SUGCT: variants seen among roughly 807,000 people sequenced by gnomAD.
The protein encoded by SUGCT is succinyl-CoA:glutarate-CoA transferase.
In SUGCT, 41 loss-of-function variants were observed where a neutral mutation model predicts 55.0. The ratio of observed to expected loss-of-function variants is 0.74; its 90% CI spans 0.58 to 0.97. SUGCT has a LOEUF of 0.97. Among genes scored for constraint, SUGCT ranks in the 50% least tolerant of loss-of-function variants. SUGCT has a pLI of 0.00. For missense variants in SUGCT, 568 were observed against 547.8 expected, an observed-to-expected ratio of 1.04 and a Z score of -0.37; for synonymous variants, 187 against 200.4, an observed-to-expected ratio of 0.93 and a Z score of 0.56.
chr7:40,502,276 G>T (rs562503296), intron 12 of SUGCT, among the ~76,000 whole-genome samples: 2 of 151,938 alleles, frequency 1.3e-5, no homozygotes, highest in Admixed American at 6.6e-5. Context: ...CTTTGAACTT[G>T]CAAGCCAAAG....
the SUGCT span, among the ~76,000 whole-genome samples, chr7:40,933,636 T>C: frequency 1.3e-5 from 2 of 152,234 alleles, no homozygotes; most frequent in Non-Finnish European, 2.9e-5. Flanking sequence ...TCATTTCTTT[T>C]TACTCTTCTT....
chr7:40,862,547 A>G (rs760135369), downstream of SUGCT, among the ~76,000 whole-genome samples: 6 of 152,200 alleles, frequency 3.9e-5, no homozygotes, highest in Non-Finnish European at 8.8e-5. Context: ...GGGGCCTATT[A>G]TCTTACACAT....
chr7:40,608,407 C>G lies in SUGCT; in HGVS notation c.1089+112021C>G, dbSNP rs1339088548. On this transcript the variant is annotated intron_variant, in intron 12 of 13. Transcript: ENST00000335693. ...GTAACTTTGGTTGTCCAAACATACT[C>G]TGAAATACGTTGGGGATTATGGTTT... Among the ~76,000 whole-genome samples the G allele has an allele frequency of 5.3e-5, 8 of 152,260 alleles. No homozygotes were observed. In the East Asian group the frequency reaches 1.5e-3, roughly 29 times the overall value.
the SUGCT span, among the ~76,000 whole-genome samples, chr7:40,902,418 A>T: frequency 6.6e-6 from 1 of 151,928 alleles, no homozygotes; most frequent in African/African-American, 2.4e-5. Flanking sequence ...TCTCTACTGA[A>T]AATACAAAAA....
At chr7:40,468,588 C>A (rs761873324) in intron 11 of SUGCT, among the ~76,000 whole-genome samples, 40 of 152,108 alleles carry the variant, frequency 2.6e-4, no homozygotes, top group Non-Finnish European at 5.1e-4. Flanking sequence ...TCTTAGAGAA[C>A]AGGGAGGATT....
At chr7:40,208,185 A>G (rs1005725244) in intron 6 of SUGCT, among the ~76,000 whole-genome samples, 8 of 152,200 alleles carry the variant, frequency 5.3e-5, no homozygotes, top group Non-Finnish European at 1.0e-4. Context: ...GTTGGGAGGA[A>G]GGAGAGACTC....
At chr7:40,725,530 A>G (rs776404268) in intron 12 of SUGCT, among the ~76,000 whole-genome samples, 1 of 150,890 alleles carries the variant, frequency 6.6e-6, no homozygotes, top group Non-Finnish European at 1.5e-5. Flanking sequence ...CCAACATAAC[A>G]CATTGAGGGT....
intron 13 of SUGCT, among the ~76,000 whole-genome samples, chr7:40,791,467 G>A (rs1393074870): frequency 6.6e-6 from 1 of 152,152 alleles, no homozygotes; most frequent in Non-Finnish European, 1.5e-5. Context: ...AGCAAATTCA[G>A]AGGCTGTGGA....
At chr7:40,321,624 C>T (rs1584676057) in intron 9 of SUGCT, among the ~76,000 whole-genome samples, 1 of 151,980 alleles carries the variant, frequency 6.6e-6, no homozygotes, top group Non-Finnish European at 1.5e-5. Context: ...CTCAGGTGAT[C>T]CACCCACCTT....
Position 40,435,833 on chromosome 7 carries a change from AT to A in SUGCT, c.817-13453del, listed in dbSNP as rs376487742. On this transcript the variant is annotated intron_variant, in intron 9 of 13. Coordinates refer to ENST00000335693, the MANE Select transcript of SUGCT (RefSeq NM_001193313.2). Reference sequence around the variant, plus strand: ...GATCCTGCAGCCTGTGACTCTCTATATATCTCTTGGGCCATTTAACTACTGT... The same window carrying A: ...GATCCTGCAGCCTGTGACTCTCTATAATCTCTTGGGCCATTTAACTACTGT... 5.1e-4 allele frequency among the ~76,000 whole-genome samples: 77 copies of A among 151,716 alleles called. No individual in the cohort carries two copies. The East Asian group carries it at 6.0e-3, about 12-fold the overall frequency.
At chr7:40,366,914 G>C (rs1190620303) in intron 9 of SUGCT, among the ~76,000 whole-genome samples, 1 of 152,070 alleles carries the variant, frequency 6.6e-6, no homozygotes, top group Admixed American at 6.5e-5. Context: ...CCCATTACTG[G>C]GTATATACCC....
At chr7:40,750,020 T>C (rs748837589) in intron 13 of SUGCT, among the ~76,000 whole-genome samples, 8 of 152,290 alleles carry the variant, frequency 5.3e-5, no homozygotes, top group East Asian at 3.9e-4. Flanking sequence ...TTTTTGGAAG[T>C]TGATTCATAC....
chr7:40,167,839 G>A (rs1025611797), intron 1 of SUGCT, among the ~76,000 whole-genome samples: 1 of 152,164 alleles, frequency 6.6e-6, no homozygotes, highest in African/African-American at 2.4e-5. Flanking sequence ...CAGCAGTGGT[G>A]GAGAGTGAGC....
intron 9 of SUGCT, among the ~76,000 whole-genome samples, chr7:40,349,382 T>C (rs1381005691): frequency 6.6e-6 from 1 of 152,132 alleles, no homozygotes; most frequent in African/African-American, 2.4e-5. Context: ...GAGTCTTGGC[T>C]CTGTTGCCCA....
intron 9 of SUGCT, among the ~76,000 whole-genome samples, chr7:40,424,932 G>A (rs1304364813): frequency 6.6e-6 from 1 of 152,104 alleles, no homozygotes; most frequent in Non-Finnish European, 1.5e-5. Context: ...CTCAATGAAT[G>A]GGAGCTATTG....
chr7:40,360,208 T>G (rs1158730171), intron 9 of SUGCT, among the ~76,000 whole-genome samples: 1 of 152,190 alleles, frequency 6.6e-6, no homozygotes, highest in African/African-American at 2.4e-5. Context: ...GAGGCAGGGT[T>G]TTGCCATGTT....
At chr7:40,561,351 G>A (rs1795825508) in intron 12 of SUGCT, among the ~76,000 whole-genome samples, 1 of 152,188 alleles carries the variant, frequency 6.6e-6, no homozygotes, top group African/African-American at 2.4e-5. Context: ...GTTCTCATAA[G>A]TAGAAACAGA....
the SUGCT span, among the ~76,000 whole-genome samples, chr7:40,920,917 T>C: frequency 6.6e-6 from 1 of 152,236 alleles, no homozygotes; most frequent in Admixed American, 6.5e-5. Context: ...AGCGTGTTCA[T>C]TTGGATGGTA....
At chr7:40,494,432 A>G (rs1791863184) in intron 11 of SUGCT, among the ~76,000 whole-genome samples, 1 of 152,222 alleles carries the variant, frequency 6.6e-6, no homozygotes, top group South Asian at 2.1e-4. Flanking sequence ...GAAAGTAAGA[A>G]TGTAAAGAAT....
Sources: allele counts gnomAD v4.1 joint callset (sites outside exome capture counted in the v4.1 genomes callset), GRCh38; gene constraint gnomAD v4.1.1; transcripts MANE v1.5; gene names NCBI Gene and HGNC (gene_info 2026-07-23, HGNC 2026-07-21).